Variants in UFSP2 observed in about 807,000 individuals in gnomAD.
UFSP2 encodes the protein ufm1-specific protease 2.
UFSP2 carries 43 observed loss-of-function variants against 60.2 expected under a neutral mutation model. The observed-to-expected ratio is 0.71, with a 90% confidence interval of 0.56 to 0.92. UFSP2 has a LOEUF of 0.92. UFSP2 is among the 40% of genes least tolerant of loss of function. The pLI, the probability that UFSP2 is intolerant of heterozygous loss-of-function variation, is 0.00. For synonymous variants in UFSP2, 183 were observed against 195.1 expected (o/e 0.94, Z 0.52); for missense variants, 520 against 575.0 (o/e 0.90, Z 0.98).
In UFSP2 at chr4:185,400,143, C is replaced by G; in HGVS notation, c.*249G>C. ...CTGAGAAGGACGAAAAACTTTCTTCCAAGTGAAGATCCATTTAAGAACACA... is the reference window on the plus strand; with the variant it reads ...CTGAGAAGGACGAAAAACTTTCTTCGAAGTGAAGATCCATTTAAGAACACA... On this transcript the variant is annotated 3_prime_UTR_variant, in exon 12 of 12. Transcript: ENST00000264689. 4 of 907,272 alleles carry G rather than the reference C, an allele frequency of 4.4e-6. No individual in the cohort carries two copies. The highest frequency in any genetic ancestry group is 6.7e-6 in the Non-Finnish European group (4 of 594,094). 56.2% of individuals were successfully genotyped at this position (907,272 alleles called of 1,614,324 possible).
At chr4:185,408,699 C>A (rs1206216134) in intron 7 of UFSP2, among the ~76,000 whole-genome samples, 1 of 152,148 alleles carries the variant, frequency 6.6e-6, no homozygotes, top group Non-Finnish European at 1.5e-5. Context: ...CTATTGCTCC[C>A]TCTACTTTCG....
intron 9 of UFSP2, chr4:185,406,123 G>C: frequency 2.1e-6 from 1 of 480,078 alleles, no homozygotes; most frequent in African/African-American, 2.0e-5. Flanking sequence ...GTATAAAGGA[G>C]GCCTGGGTTT....
In UFSP2 at chr4:185,418,446, C is replaced by A; in HGVS notation, c.328G>T (p.Asp110Tyr). ...FMRKKDKKLSDMHQIVNIDLM... is the reference protein window; with the variant it reads ...FMRKKDKKLSYMHQIVNIDLM... ...AAGACAGATAGTTTGCTTACCATGT[C>A]TGATAACTTTTTGTCCTTCTTTCTC... Residue 110 changes from aspartate to tyrosine, a missense_variant, in exon 4 of 12, where the codon GAC (aspartate) becomes TAC (tyrosine). By Grantham distance (160) the Asp-to-Tyr change is radical (BLOSUM62 -3). Transcript: ENST00000264689. The A allele has an allele frequency of 6.2e-7, 1 of 1,606,866 alleles. No homozygotes were observed. The highest frequency in any genetic ancestry group is 8.5e-7 in the Non-Finnish European group (1 of 1,174,438).
Position 185,415,215 on chromosome 4 carries a change from A to T in UFSP2, c.624T>A (p.Asn208Lys). ...CTGAAGGATATGAAATTGTTACAAG[A>T]TTTTTTTTCCCTGGTAATAAAAAGT... Reference protein sequence around the residue: ...PLHFLLPGKKNLVTISYPSGI... With the variant: ...PLHFLLPGKKKLVTISYPSGI... Residue 208 changes from asparagine (N) to lysine (K), a missense_variant, in exon 6 of 12, where the codon AAT becomes AAA. Coordinates refer to ENST00000264689, the MANE Select transcript of UFSP2 (RefSeq NM_018359.5). The T allele has an allele frequency of 6.2e-7, 1 of 1,607,080 alleles. No individual in the cohort carries two copies. Among genetic ancestry groups the T allele is most frequent in the Non-Finnish European group, 8.5e-7 (1 of 1,178,652 alleles).
At chr4:185,418,803 A>T in intron 2 of UFSP2, 33 bp from the exon 3 acceptor site, 1 of 1,528,454 alleles carries the variant, frequency 6.5e-7, no homozygotes, top group African/African-American at 1.4e-5. Flanking sequence ...GAAGTTAAGA[A>T]AAACAAATTT....
Position 185,399,972 on chromosome 4 carries a change from CTT to C in UFSP2, c.*418_*419del, listed in dbSNP as rs573004425. The stretch of plus-strand genomic sequence containing the variant: ...ATGGTGGAAGTTTGGGGATAAAACT[CTT>C]TTTAAAAAAAAGTTTTTAATGTTAA... On this transcript the variant is annotated 3_prime_UTR_variant, in exon 12 of 12. Coordinates refer to ENST00000264689, the MANE Select transcript of UFSP2 (RefSeq NM_018359.5). 7 of 1,592,180 alleles carry C rather than the reference CTT, an allele frequency of 4.4e-6. No individual in the cohort carries two copies. In the East Asian group the frequency reaches 1.3e-4, roughly 31 times the overall value.
In UFSP2 at chr4:185,403,512, C is replaced by T; in HGVS notation, c.1305G>A (p.Leu435=). 1 of 1,612,926 alleles carries T rather than the reference C, an allele frequency of 6.2e-7. No homozygotes were observed. Among genetic ancestry groups the T allele is most frequent in the Non-Finnish European group, 8.5e-7 (1 of 1,179,718 alleles). Residue 435 remains leucine, a synonymous_variant, in exon 11 of 12, where the codon CTG becomes CTA. Transcript: ENST00000264689. ...TACTTACCTTTTCCAAAATAACTTG[C>T]AGGTCTTCAGCACCGGTATAATGTG... ...LDPHYTGAED[L]QVILEKGWCG...
rs576422591 is a variant in UFSP2, at chr4:185,410,446, C to T, written c.832-2011G>A. Among the ~76,000 whole-genome samples the T allele has an allele frequency of 5.3e-5, 8 of 150,846 alleles. No homozygotes were observed. In the South Asian group the frequency reaches 1.3e-3, roughly 24 times the overall value. The stretch of plus-strand genomic sequence containing the variant: ...GGTAGATCACCTAAAGTCAGGAGTT[C>T]GAGACCAGCCTGGCCAGCATGATGA... On this transcript the variant is annotated intron_variant, in intron 7 of 11. Transcript: ENST00000264689.
intron 11 of UFSP2, among the ~76,000 whole-genome samples, chr4:185,403,066 T>C (rs1282704892): frequency 1.3e-5 from 2 of 152,206 alleles, no homozygotes; most frequent in African/African-American, 4.8e-5. Flanking sequence ...GATTAGGTTA[T>C]ATGTAAATGA....
chr4:185,420,445 C>T (rs1268283554), intron 2 of UFSP2, among the ~76,000 whole-genome samples: 2 of 151,988 alleles, frequency 1.3e-5, no homozygotes, highest in Non-Finnish European at 2.9e-5. Context: ...AATCCTAAGC[C>T]TATTTAACCT....
chr4:185,416,555 A>C (rs1474668864), intron 4 of UFSP2, among the ~76,000 whole-genome samples: 1 of 152,190 alleles, frequency 6.6e-6, no homozygotes, highest in East Asian at 1.9e-4. Context: ...CTAGGGTTGA[A>C]GTGGAACTGG....
Position 185,400,252 on chromosome 4 carries a change from G to T in UFSP2, c.*140C>A. The T allele has an allele frequency of 2.7e-6, 2 of 749,410 alleles. No homozygotes were observed. The highest frequency in any genetic ancestry group is 1.9e-5 in the South Asian group (1 of 51,698). The allele number at this position is 749,410 out of a possible 1,614,324, so 46.4% of individuals were successfully genotyped here. A position where few individuals can be genotyped will look rare whatever the true frequency, so the allele number is the denominator to read the frequency against. On this transcript the variant is annotated 3_prime_UTR_variant, in exon 12 of 12. Transcript: ENST00000264689. ...GGAACGTCTAAAAAATACATTCTCC[G>T]TGCAGTATTTACAACCTTTGAAAAA...
chr4:185,411,067 T>G (rs1263190649), intron 7 of UFSP2, among the ~76,000 whole-genome samples: 3 of 141,072 alleles, frequency 2.1e-5, no homozygotes, highest in Non-Finnish European at 3.1e-5. Context: ...AGAGCAAAAA[T>G]TAATAAAATC....
In UFSP2 at chr4:185,418,730, G is replaced by C; in HGVS notation, c.123C>G (p.Asp41Glu). ...LKKALKHVLS[D>E]LSTKLSSNAL... is the part of the protein sequence containing the mutation. Reference sequence around the variant, plus strand: ...CGTTTGAAGACAGCTTAGTTGACAGGTCACTCAACACATGTTTCAGTGCCT... The same window carrying C: ...CGTTTGAAGACAGCTTAGTTGACAGCTCACTCAACACATGTTTCAGTGCCT... Residue 41 changes from aspartate (D) to glutamate (E), a missense_variant, in exon 3 of 12, where the codon GAC becomes GAG. Asp to Glu is a conservative substitution (Grantham distance 45). Coordinates refer to ENST00000264689, the MANE Select transcript of UFSP2 (RefSeq NM_018359.5). 16 of 1,611,562 alleles carry C rather than the reference G, an allele frequency of 9.9e-6. No homozygotes were observed. The highest frequency in any genetic ancestry group is 1.4e-5 in the Non-Finnish European group (16 of 1,179,376).
intron 1 of UFSP2, among the ~76,000 whole-genome samples, chr4:185,423,539 C>T (rs2095553217): frequency 6.9e-6 from 1 of 144,636 alleles, no homozygotes; most frequent in African/African-American, 2.5e-5. Flanking sequence ...TGGATATTAA[C>T]CTAACTGCCA....
At chr4:185,416,818 T>C (rs537724257) in intron 4 of UFSP2, among the ~76,000 whole-genome samples, 6 of 152,260 alleles carry the variant, frequency 3.9e-5, no homozygotes, top group African/African-American at 9.6e-5. Flanking sequence ...AAATAACTAA[T>C]GATAGTACCA....
At position 185,407,986 on chromosome 4, in the gene UFSP2, C is replaced by A. The variant is rs539069617; in HGVS notation, c.1071G>T (p.Gln357His). The A allele has an allele frequency of 3.5e-5, 57 of 1,614,206 alleles. No homozygotes were observed. Among genetic ancestry groups the A allele is most frequent in the Non-Finnish European group, 4.6e-5 (54 of 1,180,030 alleles). Reference protein sequence around the residue: ...SRQWIGSIEVQLVLNQLIGIT... With the variant: ...SRQWIGSIEVHLVLNQLIGIT... The stretch of plus-strand genomic sequence containing the variant: ...TACCGATCAATTGGTTTAGTACCAG[C>A]TGCACCTCAATAGATCCAATCCATT... Residue 357 changes from glutamine to histidine, a missense_variant, in exon 9 of 12, where the codon CAG becomes CAT. Gln to His is a conservative substitution (Grantham distance 24, BLOSUM62 0). Transcript: ENST00000264689.
intron 11 of UFSP2, among the ~76,000 whole-genome samples, chr4:185,401,433 C>T (rs977584534): frequency 6.6e-6 from 1 of 152,190 alleles, no homozygotes; most frequent in African/African-American, 2.4e-5. Flanking sequence ...TCCTTTTACA[C>T]ATGAAGGCCT....
chr4:185,418,291 A>G, intron 4 of UFSP2, 150 bp downstream of exon 4: 1 of 582,466 alleles, frequency 1.7e-6, no homozygotes, highest in South Asian at 3.0e-5. Flanking sequence ...AGTAAGACAA[A>G]CATATAACTT....
Sources: gnomAD v4.1 joint callset for allele counts (sites outside exome capture counted in the v4.1 genomes callset) on GRCh38, gnomAD v4.1.1 for gene constraint, MANE v1.5 for transcripts, NCBI Gene and HGNC (gene_info 2026-07-23, HGNC 2026-07-21) for gene names.